Variants in C3orf33 observed in about 807,000 individuals in gnomAD.
C3orf33 encodes mitochondrial inner membrane subdomain organizer 1, also known as AP-1 activity suppressor.
A neutral mutation model predicts 28.7 loss-of-function variants in C3orf33; 23 were observed. The ratio of observed to expected loss-of-function variants is 0.80; its 90% CI spans 0.58 to 1.13. C3orf33 has a LOEUF of 1.13. Ranked by LOEUF, C3orf33 falls within the 50% of genes most tolerant of loss-of-function variation. The pLI, the probability that C3orf33 is intolerant of heterozygous loss-of-function variation, is 0.00. For synonymous variants in C3orf33, 119 were observed against 120.5 expected, an observed-to-expected ratio of 0.99 and a Z score of 0.08; for missense variants, 327 against 353.4, an observed-to-expected ratio of 0.93 and a Z score of 0.60.
intron 2 of C3orf33, among the ~76,000 whole-genome samples, chr3:155,802,161 C>T (rs1751668349): frequency 6.6e-6 from 1 of 152,106 alleles, no homozygotes; most frequent in African/African-American, 2.4e-5. Flanking sequence ...TTATTGAGTG[C>T]TAAGGGACAT....
At position 155,806,149 on chromosome 3, in the gene C3orf33, C is replaced by T. The variant is rs769441633; in HGVS notation, c.104G>A (p.Arg35His). 1.4e-5 allele frequency: 21 copies of T among 1,467,664 alleles called. 1 individual carries two copies. The South Asian group carries it at 2.3e-4, about 16-fold the overall frequency. The allele number at this position is 1,467,664 out of a possible 1,614,324, so 90.9% of individuals were successfully genotyped here. A position where few individuals can be genotyped will look rare whatever the true frequency, so the allele number is the denominator to read the frequency against. The change falls in exon 1 of 5, where the codon CGC (arginine) becomes CAC (histidine). Residue 35 changes from arginine to histidine, a missense_variant. Transcript: ENST00000340171. ...RISQWADDHLRLVRNISTGMA... is the reference protein window; with the variant it reads ...RISQWADDHLHLVRNISTGMA... ...GCGTGGCCCCAGTACCCGGACTAGG[C>T]GCAGGTGGTCGTCTGCCCACTGCGA...
intron 4 of C3orf33, among the ~76,000 whole-genome samples, chr3:155,765,763 G>A (rs551173886): frequency 5.5e-4 from 83 of 152,210 alleles, no homozygotes; most frequent in African/African-American, 1.9e-3. Flanking sequence ...GGCCAGGCTG[G>A]TCTCAAACTC....
At position 155,798,057 on chromosome 3, in the gene C3orf33, C is replaced by T. The variant is rs1751531115; in HGVS notation, c.174+4475G>A. Among the ~76,000 whole-genome samples the T allele has an allele frequency of 7.3e-5, 10 of 137,846 alleles. No homozygotes were observed. The South Asian group carries it at 2.5e-3, about 34-fold the overall frequency. The allele number at this position is 137,846 out of a possible 152,430, so 90.4% of individuals were successfully genotyped here. A position where few individuals can be genotyped will look rare whatever the true frequency, so the allele number is the denominator to read the frequency against. On this transcript the variant is annotated intron_variant, in intron 2 of 4. Transcript: ENST00000340171. ...CTGCACTCCAGCTTGAGTGACAGGG[C>T]AAGTGTCTGTCTCAAAGAAAAAAAA...
intron 2 of C3orf33, among the ~76,000 whole-genome samples, chr3:155,801,368 A>G: frequency 6.6e-6 from 1 of 152,138 alleles, no homozygotes. Context: ...TTCTGGGTAT[A>G]TAACTGAATC....
At chr3:155,805,122 TC>T in intron 1 of C3orf33, among the ~76,000 whole-genome samples, 1 of 146,790 alleles carries the variant, frequency 6.8e-6, no homozygotes, top group Non-Finnish European at 1.5e-5. Flanking sequence ...AACATGTCCC[TC>T]TCTTGCTTCA....
chr3:155,797,326 C>A (rs1406623230), intron 2 of C3orf33, among the ~76,000 whole-genome samples: 2 of 152,162 alleles, frequency 1.3e-5, no homozygotes, highest in African/African-American at 4.8e-5. Flanking sequence ...AAGCCATACA[C>A]AACAGACCCG....
At chr3:155,771,461 T>C (rs1245274531) in intron 3 of C3orf33, among the ~76,000 whole-genome samples, 1 of 152,106 alleles carries the variant, frequency 6.6e-6, no homozygotes, top group African/African-American at 2.4e-5. Context: ...TTTGTATTTT[T>C]TGTAGAGACA....
chr3:155,801,732 G>A (rs395667), intron 2 of C3orf33, among the ~76,000 whole-genome samples: 19,429 of 152,040 alleles, frequency 0.13, 1,670 homozygotes, highest in East Asian at 0.37. Context: ...GGAAGTTGGA[G>A]TTATTGTTTT....
At chr3:155,772,066 A>T (rs1043680065) in intron 3 of C3orf33, among the ~76,000 whole-genome samples, 1 of 152,164 alleles carries the variant, frequency 6.6e-6, no homozygotes, top group Non-Finnish European at 1.5e-5. Flanking sequence ...ATTAGTGGAC[A>T]TGATGGTGCA....
intron 2 of C3orf33, among the ~76,000 whole-genome samples, chr3:155,783,498 G>T (rs1221552156): frequency 7.1e-6 from 1 of 139,902 alleles, no homozygotes; most frequent in African/African-American, 2.6e-5. Flanking sequence ...ATGGAGTCTC[G>T]CTCTGTTGCC....
Position 155,767,636 on chromosome 3 carries a change from G to A in C3orf33, c.356C>T (p.Ala119Val). Residue 119 changes from alanine to valine, a missense_variant, in exon 4 of 5, where the codon GCT becomes GTT. Coordinates refer to ENST00000340171, the MANE Select transcript of C3orf33 (RefSeq NM_001308229.2). ...CCCAGTTTCAGCGAGTTCTACTCCAGCCAACTTAACCAGCAAAGCACCACG... is the reference window on the plus strand; with the variant it reads ...CCCAGTTTCAGCGAGTTCTACTCCAACCAACTTAACCAGCAAAGCACCACG... Reference protein sequence around the residue: ...EPRGALLVKLAGVELAETGKA... With the variant: ...EPRGALLVKLVGVELAETGKA... 1 of 1,577,726 alleles carries A rather than the reference G, an allele frequency of 6.3e-7. No homozygotes were observed. The highest frequency in any genetic ancestry group is 8.6e-7 in the Non-Finnish European group (1 of 1,158,006).
intron 2 of C3orf33, among the ~76,000 whole-genome samples, chr3:155,785,940 TG>T (rs1348071859): frequency 6.6e-6 from 1 of 151,702 alleles, no homozygotes; most frequent in African/African-American, 2.4e-5. Context: ...CTCAGGAGCC[TG>T]AGGTGGGAGA....
chr3:155,773,875 CA>C (rs1750660913), intron 3 of C3orf33, among the ~76,000 whole-genome samples: 1 of 152,142 alleles, frequency 6.6e-6, no homozygotes, highest in African/African-American at 2.4e-5. Flanking sequence ...CTGAGATGGC[CA>C]AAGGCCATCC....
At chr3:155,766,861 A>G (rs960227270) in intron 4 of C3orf33, among the ~76,000 whole-genome samples, 4 of 152,282 alleles carry the variant, frequency 2.6e-5, no homozygotes, top group Admixed American at 2.6e-4. Context: ...GAAGCAGGAG[A>G]ATTGCTTAAA....
intron 2 of C3orf33, among the ~76,000 whole-genome samples, chr3:155,799,812 A>T (rs1042273795): frequency 1.3e-5 from 2 of 152,230 alleles, no homozygotes. Context: ...TAAGCCAAGC[A>T]GAGAGAGACA....
chr3:155,795,035 G>A (rs73159025), intron 2 of C3orf33, among the ~76,000 whole-genome samples: 14,990 of 152,206 alleles, frequency 0.098, 989 homozygotes, highest in Middle Eastern at 0.16. Flanking sequence ...TAATCTGCAC[G>A]ATAGACCAAA....
intron 2 of C3orf33, among the ~76,000 whole-genome samples, chr3:155,796,511 A>G (rs537591793): frequency 6.6e-6 from 1 of 152,328 alleles, no homozygotes; most frequent in East Asian, 1.9e-4. Flanking sequence ...AAAAGTAATG[A>G]TATCAAAGCT....
At chr3:155,787,512 C>G (rs1359321356) in intron 2 of C3orf33, among the ~76,000 whole-genome samples, 1 of 151,754 alleles carries the variant, frequency 6.6e-6, no homozygotes, top group African/African-American at 2.4e-5. Flanking sequence ...CTGCCATGCC[C>G]AGCTAAGTTT....
intron 2 of C3orf33, among the ~76,000 whole-genome samples, chr3:155,795,555 G>A (rs554504098): frequency 1.3e-5 from 2 of 152,138 alleles, no homozygotes; most frequent in Admixed American, 6.5e-5. Context: ...TATAACAAGA[G>A]GAATCTTGGA....
Sources: allele counts gnomAD v4.1 joint callset (sites outside exome capture counted in the v4.1 genomes callset), GRCh38; gene constraint gnomAD v4.1.1; transcripts MANE v1.5; gene names NCBI Gene and HGNC (gene_info 2026-07-23, HGNC 2026-07-21).